Variants in TCOF1 observed in about 807,000 individuals in gnomAD.
The protein encoded by TCOF1 is treacle ribosome biogenesis factor 1.
A neutral mutation model predicts 149.0 loss-of-function variants in TCOF1; 33 were observed. The ratio of observed to expected loss-of-function variants is 0.22; its 90% confidence interval spans 0.17 to 0.30. The LOEUF is 0.30. Ranked by LOEUF, TCOF1 falls within the 10% of genes least tolerant of loss-of-function variation. The pLI is 1.00. For missense variants in TCOF1, 1,728 were observed against 1,840.7 expected (o/e 0.94, Z 1.12); for synonymous variants, 789 against 738.8 (o/e 1.07, Z -1.10).
At chr5:150,381,318 T>C (rs1408109913) in intron 17 of TCOF1, among the ~76,000 whole-genome samples, 4 of 152,204 alleles carry the variant, frequency 2.6e-5, no homozygotes, top group Non-Finnish European at 2.9e-5. Context: ...CAACAATTAC[T>C]GGGGGTGAAA....
chr5:150,384,732 G>C (rs1227488164), intron 17 of TCOF1: 1 of 985,340 alleles, frequency 1.0e-6, no homozygotes, highest in East Asian at 1.1e-4. Context: ...AGGAGGATTC[G>C]GGGAAGACGG....
intron 7 of TCOF1, 60 bp downstream of exon 7, chr5:150,372,296 ACT>A: frequency 6.8e-7 from 1 of 1,464,066 alleles, no homozygotes; most frequent in East Asian, 2.4e-5. Context: ...CAGCCTGAGC[ACT>A]CTGCCATGAG....
chr5:150,375,127 T>G lies in TCOF1; in HGVS notation c.1452T>G (p.Ser484Arg). 2 of 1,612,738 alleles carry G rather than the reference T, an allele frequency of 1.2e-6. No homozygotes were observed. The highest frequency in any genetic ancestry group is 1.7e-6 in the Non-Finnish European group (2 of 1,179,626). ...GAAGCAGCAGCGAGGAGTCAGACAGTGACAGAGAGGCACTGGCAGCCATGA... is the reference window on the plus strand; with the variant it reads ...GAAGCAGCAGCGAGGAGTCAGACAGGGACAGAGAGGCACTGGCAGCCATGA... ...DSRSSSEESD[S>R]DREALAAMNA... is the part of the protein sequence containing the mutation. Residue 484 changes from serine to arginine, a missense_variant, in exon 10 of 27, where the codon AGT (serine) becomes AGG (arginine). Coordinates refer to ENST00000643257, the MANE Select transcript of TCOF1 (RefSeq NM_001371623.1).
At chr5:150,363,033 A>G (rs1037087592) in intron 2 of TCOF1, among the ~76,000 whole-genome samples, 5 of 152,094 alleles carry the variant, frequency 3.3e-5, no homozygotes, top group South Asian at 2.1e-4. Flanking sequence ...AATGATGGCA[A>G]TTATCTCATT....
intron 6 of TCOF1, among the ~76,000 whole-genome samples, chr5:150,370,863 C>A (rs1389656974): frequency 6.6e-6 from 1 of 152,128 alleles, no homozygotes; most frequent in African/African-American, 2.4e-5. Flanking sequence ...AGATGAAGTC[C>A]TAGGTAGACA....
chr5:150,375,560 G>A lies in TCOF1; in HGVS notation c.1704+6G>A, dbSNP rs1051976170. On this transcript the variant is annotated splice_donor_region_variant and intron_variant, in intron 11 of 26. Transcript: ENST00000643257. ...CAGCTGTGGCCCCGGCTCAGGTGAG[G>A]CCCCTTCCTGTAAGGCTCTTTCTTT... The A allele has an allele frequency of 6.2e-7, 1 of 1,614,030 alleles. No individual in the cohort carries two copies. The highest frequency in any genetic ancestry group is 1.1e-5 in the South Asian group (1 of 91,076).
chr5:150,390,275 A>G (rs1299915854), intron 19 of TCOF1, among the ~76,000 whole-genome samples: 1 of 152,184 alleles, frequency 6.6e-6, no homozygotes, highest in African/African-American at 2.4e-5. Context: ...GTCCCTCATG[A>G]GATTTTCCAG....
chr5:150,358,946 C>T (rs1011695946), intron 1 of TCOF1, among the ~76,000 whole-genome samples: 4 of 151,584 alleles, frequency 2.6e-5, no homozygotes, highest in African/African-American at 9.7e-5. Flanking sequence ...AGAAAGTCCA[C>T]TCTCTTGAGC....
At chr5:150,399,332 G>T (rs981318578) in intron 26 of TCOF1, among the ~76,000 whole-genome samples, 1 of 152,244 alleles carries the variant, frequency 6.6e-6, no homozygotes, top group Admixed American at 6.5e-5. Context: ...GCTTTAGGGG[G>T]TGTGCCCTGG....
At chr5:150,361,108 C>A in intron 1 of TCOF1, 48 bp from the exon 2 acceptor site, 5 of 1,612,850 alleles carry the variant, frequency 3.1e-6, no homozygotes, top group Non-Finnish European at 4.2e-6. Context: ...AAGAAGGATC[C>A]TTACTGTGCT....
At chr5:150,369,447 G>C in intron 5 of TCOF1, 82 bp from the exon 6 acceptor site, 2 of 1,534,726 alleles carry the variant, frequency 1.3e-6, no homozygotes, top group South Asian at 2.2e-5. Flanking sequence ...TTGATGAGCA[G>C]CTGGTTTGTG....
chr5:150,376,697 G>T (rs1763888050), intron 14 of TCOF1, 77 bp downstream of exon 14: 2 of 1,464,962 alleles, frequency 1.4e-6, no homozygotes, highest in Non-Finnish European at 1.9e-6. Flanking sequence ...TTGACTGGGG[G>T]CTAGTGTTGC....
chr5:150,376,708 C>T (rs1763891391), intron 14 of TCOF1, 88 bp downstream of exon 14: 2 of 1,396,616 alleles, frequency 1.4e-6, no homozygotes, highest in Admixed American at 2.0e-5. Context: ...CTAGTGTTGC[C>T]TGCAGGTGTG....
chr5:150,393,382 C>T lies in TCOF1; in HGVS notation c.3614C>T (p.Ser1205Leu), dbSNP rs751528955. The T allele has an allele frequency of 8.7e-6, 14 of 1,614,064 alleles. No homozygotes were observed. Among genetic ancestry groups the T allele is most frequent in the Non-Finnish European group, 1.1e-5 (13 of 1,180,010 alleles). The change falls in exon 23 of 27, where the codon TCA becomes TTA. Residue 1205 changes from serine (S) to leucine (L), a missense_variant. By Grantham distance (145) the Ser-to-Leu change is moderately radical (BLOSUM62 -2). Coordinates refer to ENST00000643257, the MANE Select transcript of TCOF1 (RefSeq NM_001371623.1). ...DVVAPSQSLLSGYMTPGLTPA... is the reference protein window; with the variant it reads ...DVVAPSQSLLLGYMTPGLTPA... ...AATGGGCTTCTTCAGTCTCTCCTCTCAGGTTATATGACCCCTGGACTAACC... is the reference window on the plus strand; with the variant it reads ...AATGGGCTTCTTCAGTCTCTCCTCTTAGGTTATATGACCCCTGGACTAACC...
chr5:150,386,494 A>AC (rs1166076332), intron 17 of TCOF1, among the ~76,000 whole-genome samples: 1 of 152,102 alleles, frequency 6.6e-6, no homozygotes, highest in Non-Finnish European at 1.5e-5. Flanking sequence ...AGAAGCTTCC[A>AC]CCCTCAGGCA....
rs573315932 is a variant in TCOF1 at position 150,398,978 on chromosome 5, A to G, written c.4444-44A>G. Reference sequence around the variant, plus strand: ...GAGGTGGGGGCAGCAGTGGGTGGGGAAAAGCTGCAGGTCTGAGAGCCTCTC... The same window carrying G: ...GAGGTGGGGGCAGCAGTGGGTGGGGGAAAGCTGCAGGTCTGAGAGCCTCTC... On this transcript the variant is annotated intron_variant, in intron 25 of 26. Coordinates refer to ENST00000643257, the MANE Select transcript of TCOF1 (RefSeq NM_001371623.1). 4.3e-6 allele frequency: 7 copies of G among 1,614,108 alleles called. No individual in the cohort carries two copies. The Admixed American group carries it at 6.7e-5, about 15-fold the overall frequency.
Position 150,392,705 on chromosome 5 carries a change from T to G in TCOF1, c.3518T>G (p.Val1173Gly). 6.2e-7 allele frequency: 1 copy of G among 1,613,892 alleles called. No individual in the cohort carries two copies. Among genetic ancestry groups the G allele is most frequent in the Non-Finnish European group, 8.5e-7 (1 of 1,179,948 alleles). ...CCAACAGGATACTGTGCTTCTCCAG[T>G]AGGTCCCACCCCCTCCAGGACAGAG... is the stretch of plus-strand genomic sequence containing the variant. The part of the protein sequence containing the change: ...PQGAKSAHTL[V>G]GPTPSRTETL... Residue 1173 changes from valine to glycine, a missense_variant and splice_region_variant, in exon 22 of 27, where the codon GTA becomes GGA. Physicochemically the swap from Val to Gly is moderately radical, Grantham distance 109. Coordinates refer to ENST00000643257, the MANE Select transcript of TCOF1 (RefSeq NM_001371623.1).
Position 150,378,974 on chromosome 5 carries a change from G to A in TCOF1, c.2410G>A (p.Gly804Arg). Reference sequence around the variant, plus strand: ...TGCCGCCAGAGCACCTTCAGCAAAAGGGACAATTTCAGCCCCTGGAAAAGT... The same window carrying A: ...TGCCGCCAGAGCACCTTCAGCAAAAAGGACAATTTCAGCCCCTGGAAAAGT... ...PAAARAPSAK[G>R]TISAPGKVVT... Residue 804 changes from glycine (G) to arginine (R), a missense_variant, in exon 15 of 27, where the codon GGG becomes AGG. Transcript: ENST00000643257. 6.2e-7 allele frequency: 1 copy of A among 1,614,108 alleles called. No individual in the cohort carries two copies. The highest frequency in any genetic ancestry group is 1.1e-5 in the South Asian group (1 of 91,078).
rs867910372 is a variant in TCOF1 at position 150,382,912 on chromosome 5, C to T, written c.2859+3180C>T. On this transcript the variant is annotated intron_variant, in intron 17 of 26. Transcript: ENST00000643257. The stretch of plus-strand genomic sequence containing the variant: ...TCCAGTGGCTGTGGGGCAGGTCAGG[C>T]CAGCAGGTATCCCTGTGCATGTGCA... 3.2e-5 allele frequency: 20 copies of T among 621,750 alleles called. No individual in the cohort carries two copies. In the Middle Eastern group the frequency reaches 3.8e-3, roughly 119 times the overall value. The allele number at this position is 621,750 out of a possible 1,614,324, so 38.5% of individuals were successfully genotyped here. A position where few individuals can be genotyped will look rare whatever the true frequency, so the allele number is the denominator to read the frequency against.
Sources: gnomAD v4.1 joint callset for allele counts (sites outside exome capture counted in the v4.1 genomes callset) on GRCh38, gnomAD v4.1.1 for gene constraint, MANE v1.5 for transcripts, NCBI Gene and HGNC (gene_info 2026-07-23, HGNC 2026-07-21) for gene names.